OPCML: variants seen among roughly 807,000 people sequenced by gnomAD.
OPCML encodes opioid-binding protein/cell adhesion molecule.
Under a neutral mutation model 37.8 loss-of-function variants are expected in OPCML, and 13 were observed. That is an observed-to-expected ratio of 0.34 (90% CI 0.22 to 0.55). The LOEUF is 0.55. OPCML is among the 20% of genes least tolerant of loss of function. The pLI, the probability that OPCML is intolerant of heterozygous loss-of-function variation, is 0.91. For synonymous variants in OPCML, 176 were observed against 168.8 expected (o/e 1.04, Z -0.33); for missense variants, 341 against 435.6 (o/e 0.78, Z 1.93).
intron 3 of OPCML, among the ~76,000 whole-genome samples, chr11:132,633,717 G>A (rs1484891582): frequency 6.6e-6 from 1 of 152,170 alleles, no homozygotes; most frequent in Admixed American, 6.5e-5. Flanking sequence ...GGTAAGGGGT[G>A]TGTATGGGTG....
At chr11:132,656,706 A>G (rs142019921) in intron 3 of OPCML, among the ~76,000 whole-genome samples, 157 of 152,352 alleles carry the variant, frequency 1.0e-3, no homozygotes, top group African/African-American at 3.5e-3. Flanking sequence ...CATTGGCATT[A>G]TTCGTCTTTT....
chr11:133,485,253 A>G (rs1247384516), intron 1 of OPCML, among the ~76,000 whole-genome samples: 1 of 152,244 alleles, frequency 6.6e-6, no homozygotes. Flanking sequence ...TTAAGCAGTT[A>G]TAAAGTACAG....
intron 2 of OPCML, among the ~76,000 whole-genome samples, chr11:132,782,738 C>T (rs890851164): frequency 3.3e-5 from 5 of 151,902 alleles, no homozygotes; most frequent in South Asian, 2.1e-4. Flanking sequence ...TAGGCTGAAG[C>T]GGAGTCATAG....
At chr11:132,580,656 A>G (rs2096460283) in intron 3 of OPCML, among the ~76,000 whole-genome samples, 1 of 152,150 alleles carries the variant, frequency 6.6e-6, no homozygotes, top group Non-Finnish European at 1.5e-5. Flanking sequence ...CACACATTTA[A>G]TCTTCTCCCA....
intron 3 of OPCML, among the ~76,000 whole-genome samples, chr11:132,593,070 T>C (rs1350089696): frequency 2.0e-5 from 3 of 152,082 alleles, no homozygotes; most frequent in Non-Finnish European, 4.4e-5. Flanking sequence ...ATTAAGAAAG[T>C]AAAAGACTAT....
chr11:133,098,906 A>G (rs1949045053), intron 1 of OPCML, among the ~76,000 whole-genome samples: 1 of 152,220 alleles, frequency 6.6e-6, no homozygotes. Context: ...TGACATGATC[A>G]TCTATGTAGC....
chr11:132,757,145 G>A (rs1946080399), intron 2 of OPCML, among the ~76,000 whole-genome samples: 2 of 152,150 alleles, frequency 1.3e-5, no homozygotes, highest in South Asian at 4.2e-4. Flanking sequence ...CTTTTTCATG[G>A]CTACATAGTA....
chr11:133,107,612 CCTTTCCCT>C (rs1949180753), intron 1 of OPCML, among the ~76,000 whole-genome samples: 1 of 152,194 alleles, frequency 6.6e-6, no homozygotes, highest in Admixed American at 6.5e-5. Context: ...TTGCCATTCA[CCTTTCCCT>C]CTTCATAGTC....
At chr11:133,025,375 C>A in intron 1 of OPCML, 1 of 985,358 alleles carries the variant, frequency 1.0e-6, no homozygotes, top group Non-Finnish European at 1.2e-6. Context: ...TGCCTAATGG[C>A]TTGAAACCAG....
At chr11:132,743,010 T>C (rs1012923989) in intron 2 of OPCML, among the ~76,000 whole-genome samples, 11 of 152,126 alleles carry the variant, frequency 7.2e-5, no homozygotes, top group African/African-American at 2.4e-4. Context: ...CTTTTCCTTC[T>C]GCTTCCTTCT....
At chr11:132,606,738 G>A (rs1034974594) in intron 3 of OPCML, among the ~76,000 whole-genome samples, 6 of 152,074 alleles carry the variant, frequency 3.9e-5, no homozygotes, top group East Asian at 1.9e-4. Flanking sequence ...AGGAGATGGC[G>A]AAAAAGAAGA....
chr11:132,668,668 T>C (rs1463903145), intron 2 of OPCML, among the ~76,000 whole-genome samples: 1 of 152,186 alleles, frequency 6.6e-6, no homozygotes. Context: ...CGTTCGCATA[T>C]CCTTTTCCAA....
chr11:132,970,447 GT>G (rs1289973314), intron 1 of OPCML, among the ~76,000 whole-genome samples: 1 of 152,088 alleles, frequency 6.6e-6, no homozygotes, highest in East Asian at 1.9e-4. Flanking sequence ...TATTATAACA[GT>G]TTTTGAGAAC....
chr11:132,836,076 T>C (rs1212780405), intron 2 of OPCML, among the ~76,000 whole-genome samples: 1 of 152,130 alleles, frequency 6.6e-6, no homozygotes, highest in African/African-American at 2.4e-5. Context: ...GGGTAGGTGG[T>C]AAGAGATGTA....
chr11:132,884,027 T>A (rs1943317752), intron 2 of OPCML, among the ~76,000 whole-genome samples: 1 of 152,154 alleles, frequency 6.6e-6, no homozygotes, highest in African/African-American at 2.4e-5. Flanking sequence ...CATAATAGGA[T>A]CATAGATTTA....
At chr11:133,165,509 TTGTC>T (rs1319791614) in intron 1 of OPCML, among the ~76,000 whole-genome samples, 2 of 152,184 alleles carry the variant, frequency 1.3e-5, no homozygotes, top group Non-Finnish European at 2.9e-5. Flanking sequence ...CATTCCCTCT[TTGTC>T]TGTAAGCCTA....
chr11:133,240,641 T>A (rs912798588), intron 1 of OPCML, among the ~76,000 whole-genome samples: 1 of 152,234 alleles, frequency 6.6e-6, no homozygotes, highest in Non-Finnish European at 1.5e-5. Flanking sequence ...GTCTAAACAC[T>A]GACCTTGCCC....
intron 3 of OPCML, among the ~76,000 whole-genome samples, chr11:132,566,269 T>G (rs2096422890): frequency 6.6e-6 from 1 of 152,236 alleles, no homozygotes. Flanking sequence ...TACTGTTGTA[T>G]ATGTATAATT....
intron 3 of OPCML, among the ~76,000 whole-genome samples, chr11:132,644,399 G>T (rs189109035): frequency 6.6e-6 from 1 of 152,116 alleles, no homozygotes; most frequent in South Asian, 2.1e-4. Flanking sequence ...CGCATGGCTC[G>T]CTTACCTGCG....
Sources: gnomAD v4.1 joint callset for allele counts (sites outside exome capture counted in the v4.1 genomes callset) on GRCh38, gnomAD v4.1.1 for gene constraint, MANE v1.5 for transcripts, NCBI Gene and HGNC (gene_info 2026-07-23, HGNC 2026-07-21) for gene names.